The following FAM171B variants were observed in gnomAD, a reference collection of about 807,000 sequenced individuals.
The protein encoded by FAM171B is family with sequence similarity 171 member B.
In FAM171B, 19 loss-of-function variants were observed where a neutral mutation model predicts 75.6. The observed-to-expected ratio is 0.25, with a 90% confidence interval of 0.18 to 0.37. The LOEUF is 0.37. Ranked by LOEUF, FAM171B falls within the 10% of genes least tolerant of loss-of-function variation. The pLI is 1.00. For missense variants in FAM171B, 848 were observed against 982.4 expected (o/e 0.86, Z 1.83); for synonymous variants, 367 against 361.7 (o/e 1.01, Z -0.17).
In FAM171B at chr2:186,762,455, C is replaced by T. The variant is rs767516631; in HGVS notation, c.2113C>T (p.Leu705=). Residue 705 remains leucine, a synonymous_variant, in exon 8 of 8, where the codon CTG becomes TTG. Coordinates refer to ENST00000304698, the MANE Select transcript of FAM171B (RefSeq NM_177454.4). The surrounding 1 kb of genome is among the most constrained non-coding windows in gnomAD (Gnocchi z 4.0). ...GKRTQSNDTS[L]DSGVDMNELH... is the part of the protein sequence containing the mutation. ...GAGAACCCAGAGCAATGACACCAGT[C>T]TGGACTCTGGGGTGGACATGAATGA... 15 of 1,613,606 alleles carry T rather than the reference C, an allele frequency of 9.3e-6. No individual in the cohort carries two copies. The South Asian group carries it at 1.1e-4, about 12-fold the overall frequency.
intron 5 of FAM171B, among the ~76,000 whole-genome samples, chr2:186,752,666 A>C (rs1429286339): frequency 6.6e-6 from 1 of 152,196 alleles, no homozygotes; most frequent in Admixed American, 6.5e-5. Flanking sequence ...TGTACCTTTC[A>C]GTGACAACAT....
intron 1 of FAM171B, among the ~76,000 whole-genome samples, chr2:186,697,005 C>CGGAT (rs1209065137): frequency 0.028 from 1,962 of 70,702 alleles, 46 homozygotes; most frequent in African/African-American, 0.13. Context: ...AATGGATGGA[C>CGGAT]GGATGGATGG....
Position 186,763,045 on chromosome 2 carries a change from G to T in FAM171B, c.*222G>T. ...TGGGTGATGAATTTACAGTATCTAA[G>T]TTTTCAAAATGTAAAATAGCTTCAA... On this transcript the variant is annotated 3_prime_UTR_variant, in exon 8 of 8. Transcript: ENST00000304698. The T allele has an allele frequency of 2.0e-6, 1 of 504,250 alleles. No homozygotes were observed. The highest frequency in any genetic ancestry group is 3.3e-5 in the South Asian group (1 of 30,212). 31.2% of individuals were successfully genotyped at this position (504,250 alleles called of 1,614,324 possible).
At chr2:186,754,955 G>A (rs962564711) in intron 6 of FAM171B, among the ~76,000 whole-genome samples, 1 of 152,118 alleles carries the variant, frequency 6.6e-6, no homozygotes, top group African/African-American at 2.4e-5. Flanking sequence ...AAGGAAGATG[G>A]AGGCTGGGGA....
chr2:186,720,687 T>A (rs1689938747), intron 1 of FAM171B, among the ~76,000 whole-genome samples: 1 of 108,468 alleles, frequency 9.2e-6, no homozygotes, highest in Non-Finnish European at 1.8e-5. Context: ...AAATTTTCTG[T>A]GTAGATCATG....
chr2:186,716,244 C>A (rs1347296236), intron 1 of FAM171B, among the ~76,000 whole-genome samples: 9 of 152,092 alleles, frequency 5.9e-5, no homozygotes, highest in Non-Finnish European at 1.3e-4. Flanking sequence ...GAACTCCTGG[C>A]TTTAAGTGAT....
chr2:186,698,248 C>T (rs990579473), intron 1 of FAM171B, among the ~76,000 whole-genome samples: 2 of 152,136 alleles, frequency 1.3e-5, no homozygotes, highest in Non-Finnish European at 2.9e-5. Context: ...CACAGGGGAT[C>T]TCCAGGGATC....
At chr2:186,757,403 A>AAT (rs60383973) in intron 6 of FAM171B, among the ~76,000 whole-genome samples, 2,905 of 149,702 alleles carry the variant, frequency 0.019, 98 homozygotes, top group African/African-American at 0.066. Context: ...ACAGAGACCA[A>AAT]ATATATATAT....
intron 1 of FAM171B, among the ~76,000 whole-genome samples, chr2:186,711,631 C>A (rs1689810338): frequency 6.6e-6 from 1 of 152,130 alleles, no homozygotes; most frequent in South Asian, 2.1e-4. Flanking sequence ...TCCTTGTATT[C>A]CATGACTTAA....
rs771548247 is a variant in FAM171B, at chr2:186,764,038, A to G, written c.*1215A>G. On this transcript the variant is annotated 3_prime_UTR_variant, in exon 8 of 8. Transcript: ENST00000304698. The stretch of plus-strand genomic sequence containing the variant: ...TTCTTTTCATTATAGCAAGCATTCA[A>G]TGTGAACAACTTTTTAATTAACTCT... 4 of 152,108 alleles carry G rather than the reference A, an allele frequency of 2.6e-5. No individual in the cohort carries two copies. The highest frequency in any genetic ancestry group is 4.8e-5 in the African/African-American group (2 of 41,432). 9.4% of individuals were successfully genotyped at this position (152,108 alleles called of 1,614,324 possible).
chr2:186,713,082 T>A (rs1444049945), intron 1 of FAM171B, among the ~76,000 whole-genome samples: 2 of 152,234 alleles, frequency 1.3e-5, no homozygotes, highest in African/African-American at 4.8e-5. Flanking sequence ...ATGGTTGTGA[T>A]GTTGGACAAG....
intron 6 of FAM171B, among the ~76,000 whole-genome samples, chr2:186,754,859 A>C (rs1406021472): frequency 5.3e-5 from 8 of 152,134 alleles, no homozygotes; most frequent in African/African-American, 1.9e-4. Flanking sequence ...TTCATGAGCT[A>C]TCAATGTATT....
chr2:186,740,470 T>G lies in FAM171B; in HGVS notation c.472+9T>G, dbSNP rs142748620. ...AACCAGAAGAATGCCAAGTAAGCAC[T>G]TAAACAGTTTTTTTTTGTTTGTTTT... is the stretch of plus-strand genomic sequence containing the variant. On this transcript the variant is annotated intron_variant, in intron 2 of 7. Coordinates refer to ENST00000304698, the MANE Select transcript of FAM171B (RefSeq NM_177454.4). 5 of 1,592,096 alleles carry G rather than the reference T, an allele frequency of 3.1e-6. No individual in the cohort carries two copies. In the African/African-American group the frequency reaches 6.7e-5, roughly 21 times the overall value.
At chr2:186,726,168 T>G (rs1170741856) in intron 1 of FAM171B, among the ~76,000 whole-genome samples, 1 of 152,254 alleles carries the variant, frequency 6.6e-6, no homozygotes, top group Non-Finnish European at 1.5e-5. Flanking sequence ...CCTTTGGAGA[T>G]CATGTCTTTA....
chr2:186,703,020 C>T (rs1393198423), intron 1 of FAM171B, among the ~76,000 whole-genome samples: 3 of 151,168 alleles, frequency 2.0e-5, no homozygotes, highest in Non-Finnish European at 2.9e-5. Context: ...TGTTCCTGTT[C>T]AGTAAAGAAA....
intron 1 of FAM171B, among the ~76,000 whole-genome samples, chr2:186,695,717 T>G (rs1689569523): frequency 6.6e-6 from 1 of 152,232 alleles, no homozygotes; most frequent in South Asian, 2.1e-4. Context: ...CAAGTGTGGC[T>G]AAAAGTCTTG....
intron 1 of FAM171B, among the ~76,000 whole-genome samples, chr2:186,723,044 G>A (rs989461800): frequency 7.9e-5 from 12 of 151,974 alleles, no homozygotes; most frequent in East Asian, 1.9e-4. Context: ...TGATATAGTC[G>A]TCTCCAGACT....
intron 1 of FAM171B, among the ~76,000 whole-genome samples, chr2:186,716,020 A>G (rs1689870300): frequency 6.6e-6 from 1 of 152,066 alleles, no homozygotes; most frequent in Non-Finnish European, 1.5e-5. Context: ...TCTTTTTAAA[A>G]TCAGAAGTTT....
rs1690208753 is a variant in FAM171B, at chr2:186,736,738, T to C, written c.239-3490T>C. On this transcript the variant is annotated intron_variant, in intron 1 of 7. Transcript: ENST00000304698. ...ACAAAGGTTATATTTGTATTTGAAATGTCTTTGTTATGATCCAGAAGCAAT... is the reference window on the plus strand; with the variant it reads ...ACAAAGGTTATATTTGTATTTGAAACGTCTTTGTTATGATCCAGAAGCAAT... Among the ~76,000 whole-genome samples, 3 of 148,812 alleles carry C rather than the reference T, an allele frequency of 2.0e-5. No individual in the cohort carries two copies. In the Admixed American group the frequency reaches 2.0e-4, roughly 10 times the overall value.
Sources: gnomAD v4.1 joint callset for allele counts (sites outside exome capture counted in the v4.1 genomes callset) on GRCh38, gnomAD v4.1.1 for gene constraint, Gnocchi (gnomAD v3.1) non-coding constraint, MANE v1.5 for transcripts, NCBI Gene and HGNC (gene_info 2026-07-23, HGNC 2026-07-21) for gene names.